Variants in SLC12A1 observed in about 807,000 individuals in gnomAD.
SLC12A1 encodes the protein solute carrier family 12 member 1.
Under a neutral mutation model 130.4 loss-of-function variants are expected in SLC12A1, and 89 were observed. The ratio of observed to expected loss-of-function variants is 0.68; its 90% CI spans 0.58 to 0.81. The LOEUF is 0.81. Among genes scored for constraint, SLC12A1 ranks in the 40% least tolerant of loss-of-function variants. The pLI is 0.00. For missense variants in SLC12A1, 1,310 were observed against 1,336.4 expected, an observed-to-expected ratio of 0.98 and a Z score of 0.31; for synonymous variants, 499 against 460.0, an observed-to-expected ratio of 1.08 and a Z score of -1.09.
Position 48,207,862 on chromosome 15 carries a change from C to G in SLC12A1, c.143C>G (p.Thr48Ser), listed in dbSNP as rs777199828. The stretch of plus-strand genomic sequence containing the variant: ...ACTGACCCACCACATTATGAAGAAA[C>G]CTCTTTTGGGGATGAAGCTCAGAAA... The part of the protein sequence containing the change: ...DNTDPPHYEE[T>S]SFGDEAQKRL... Residue 48 changes from threonine (T) to serine (S), a missense_variant, in exon 2 of 27, where the codon ACC becomes AGC. Thr to Ser is a moderately conservative substitution (Grantham distance 58, BLOSUM62 1). Transcript: ENST00000380993. 3 of 1,613,956 alleles carry G rather than the reference C, an allele frequency of 1.9e-6. No homozygotes were observed. The highest frequency in any genetic ancestry group is 1.1e-5 in the South Asian group (1 of 91,078).
intron 25 of SLC12A1, 114 bp downstream of exon 25, chr15:48,299,389 A>C: frequency 1.0e-6 from 1 of 962,080 alleles, no homozygotes; most frequent in Non-Finnish European, 1.4e-6. Context: ...ATTATTCAAG[A>C]TCCAAGCTTT....
chr15:48,254,880 C>T (rs1205362130), intron 15 of SLC12A1, among the ~76,000 whole-genome samples: 2 of 151,698 alleles, frequency 1.3e-5, no homozygotes, highest in South Asian at 2.1e-4. Flanking sequence ...GCCCAGATCG[C>T]GCCACTGCAC....
chr15:48,274,717 T>C (rs571465095), intron 20 of SLC12A1, 64 bp downstream of exon 20: 1 of 1,137,874 alleles, frequency 8.8e-7, no homozygotes, highest in South Asian at 1.3e-5. Context: ...CCTGACATTG[T>C]TATGGGATAC....
chr15:48,235,829 G>T (rs72737965), intron 9 of SLC12A1, among the ~76,000 whole-genome samples: 24,911 of 152,034 alleles, frequency 0.16, 2,154 homozygotes, highest in African/African-American at 0.21. Flanking sequence ...TTTGGGGCTT[G>T]CCCTCCATCT....
At chr15:48,278,938 T>A (rs1025969358) in intron 20 of SLC12A1, among the ~76,000 whole-genome samples, 3 of 152,202 alleles carry the variant, frequency 2.0e-5, no homozygotes, top group Non-Finnish European at 2.9e-5. Flanking sequence ...GTGAACTGCA[T>A]CCCCTTTTAA....
Position 48,274,552 on chromosome 15 carries a change from G to A in SLC12A1, c.2403-19G>A, listed in dbSNP as rs1597446915. 3 of 1,579,824 alleles carry A rather than the reference G, an allele frequency of 1.9e-6. No homozygotes were observed. Among genetic ancestry groups the A allele is most frequent in the Non-Finnish European group, 2.6e-6 (3 of 1,151,172 alleles). ...AAAAGAGCCATTTAAAACGCTGACT[G>A]CTTTGCTTCCTCTTTCAGTGATGCA... On this transcript the variant is annotated intron_variant, in intron 19 of 26. Coordinates refer to ENST00000380993, the MANE Select transcript of SLC12A1 (RefSeq NM_000338.3).
intron 23 of SLC12A1, among the ~76,000 whole-genome samples, chr15:48,290,827 T>C (rs894763637): frequency 4.6e-5 from 7 of 152,176 alleles, no homozygotes; most frequent in Non-Finnish European, 8.8e-5. Flanking sequence ...GAAACTAACA[T>C]AATGTCTATA....
At chr15:48,206,446 C>G (rs911660894) in intron 1 of SLC12A1, 116 bp downstream of exon 1, 2 of 152,088 alleles carry the variant, frequency 1.3e-5, no homozygotes, top group Admixed American at 6.5e-5. Context: ...TTTGTAAAAA[C>G]TAAAACGATA....
chr15:48,216,233 A>C (rs1567303562), intron 2 of SLC12A1, among the ~76,000 whole-genome samples: 1 of 152,208 alleles, frequency 6.6e-6, no homozygotes, highest in Non-Finnish European at 1.5e-5. Flanking sequence ...TCATCCTCTC[A>C]TAGAATATTC....
At chr15:48,270,840 C>T (rs376610751) in intron 19 of SLC12A1, among the ~76,000 whole-genome samples, 2 of 42,024 alleles carry the variant, frequency 4.8e-5, no homozygotes, top group African/African-American at 1.3e-4. Context: ...TTGGAGTATA[C>T]ATATATACTT....
chr15:48,259,907 G>T (rs762948338), intron 17 of SLC12A1, among the ~76,000 whole-genome samples: 2 of 152,098 alleles, frequency 1.3e-5, no homozygotes, highest in Non-Finnish European at 2.9e-5. Flanking sequence ...TTCAAAACTG[G>T]TGCTAGTAAT....
At chr15:48,214,080 C>A (rs2041089098) in intron 2 of SLC12A1, among the ~76,000 whole-genome samples, 1 of 152,074 alleles carries the variant, frequency 6.6e-6, no homozygotes, top group Admixed American at 6.5e-5. Context: ...AAGCTAACAA[C>A]AGCCAAATAA....
rs753708701 is a variant in SLC12A1, at chr15:48,302,935, A to C, written c.*50A>C. ...TAACTTAATGTAATGCATAATTAAG[A>C]AACATGTTCCAGTACTTTATGTTGT... On this transcript the variant is annotated 3_prime_UTR_variant, in exon 27 of 27. Transcript: ENST00000380993. 8 of 1,381,734 alleles carry C rather than the reference A, an allele frequency of 5.8e-6. No homozygotes were observed. The East Asian group carries it at 1.9e-4, about 32-fold the overall frequency. 85.6% of individuals were successfully genotyped at this position (1,381,734 alleles called of 1,614,324 possible). A position where few individuals can be genotyped will look rare whatever the true frequency, so the allele number is the denominator to read the frequency against.
At chr15:48,236,110 C>T (rs1045587956) in intron 9 of SLC12A1, among the ~76,000 whole-genome samples, 23 of 151,140 alleles carry the variant, frequency 1.5e-4, no homozygotes, top group African/African-American at 5.6e-4. Flanking sequence ...CACACACACA[C>T]ACACACACAC....
chr15:48,268,212 C>A (rs1346545630), intron 18 of SLC12A1, among the ~76,000 whole-genome samples: 1 of 152,182 alleles, frequency 6.6e-6, no homozygotes, highest in Non-Finnish European at 1.5e-5. Context: ...ATAATCTCTA[C>A]AGCTCAACCT....
rs901339045 is a variant in SLC12A1, at chr15:48,302,915, T to C, written c.*30T>C. 1 of 1,494,956 alleles carries C rather than the reference T, an allele frequency of 6.7e-7. No homozygotes were observed. Among genetic ancestry groups the C allele is most frequent in the Non-Finnish European group, 9.3e-7 (1 of 1,077,596 alleles). The allele number at this position is 1,494,956 out of a possible 1,614,324, so 92.6% of individuals were successfully genotyped here. A position where few individuals can be genotyped will look rare whatever the true frequency, so the allele number is the denominator to read the frequency against. ...TGAAAGATTGGAATACATTTTAACT[T>C]AATGTAATGCATAATTAAGAAACAT... On this transcript the variant is annotated 3_prime_UTR_variant, in exon 27 of 27. Transcript: ENST00000380993.
intron 20 of SLC12A1, among the ~76,000 whole-genome samples, chr15:48,283,501 T>C (rs925099995): frequency 6.6e-6 from 1 of 152,222 alleles, no homozygotes; most frequent in African/African-American, 2.4e-5. Flanking sequence ...CTTTGAAGCT[T>C]TGGGGAAATC....
chr15:48,219,783 T>C (rs535149579), intron 2 of SLC12A1, among the ~76,000 whole-genome samples: 1 of 152,148 alleles, frequency 6.6e-6, no homozygotes, highest in Admixed American at 6.5e-5. Flanking sequence ...ACGGGCGCGG[T>C]GGCTCACACC....
chr15:48,247,129 G>C, intron 12 of SLC12A1, 113 bp downstream of exon 12: 1 of 1,019,730 alleles, frequency 9.8e-7, no homozygotes, highest in Non-Finnish European at 1.5e-6. Context: ...TTCTGAAACA[G>C]TTAATGTTTG....
Sources: gnomAD v4.1 joint callset for allele counts (sites outside exome capture counted in the v4.1 genomes callset) on GRCh38, gnomAD v4.1.1 for gene constraint, MANE v1.5 for transcripts, NCBI Gene and HGNC (gene_info 2026-07-23, HGNC 2026-07-21) for gene names.